The following VPS8 variants were observed in gnomAD, a reference collection of about 807,000 sequenced individuals.
The protein encoded by VPS8 is VPS8 subunit of CORVET complex.
Under a neutral mutation model 216.4 loss-of-function variants are expected in VPS8, and 129 were observed. That is an observed-to-expected ratio of 0.60 (90% CI 0.52 to 0.69). The LOEUF is 0.69. VPS8 is among the 30% of genes least tolerant of loss of function. VPS8 has a pLI of 0.00. For synonymous variants in VPS8, 571 were observed against 565.4 expected (o/e 1.01, Z -0.14); for missense variants, 1,531 against 1,683.5 (o/e 0.91, Z 1.59).
At chr3:184,849,260 A>G in intron 9 of VPS8, 65 bp downstream of exon 9, 1 of 1,565,378 alleles carries the variant, frequency 6.4e-7, no homozygotes, top group Non-Finnish European at 8.7e-7. Context: ...ACAAAAACTT[A>G]CATCTTAGAT....
intron 45 of VPS8, among the ~76,000 whole-genome samples, chr3:185,012,013 T>C (rs549461429): frequency 6.6e-6 from 1 of 152,020 alleles, no homozygotes; most frequent in African/African-American, 2.4e-5. Flanking sequence ...AAAAAACATA[T>C]CTAAAGTGAA....
chr3:184,961,954 G>T (rs1479189585), intron 37 of VPS8, among the ~76,000 whole-genome samples: 1 of 152,098 alleles, frequency 6.6e-6, no homozygotes, highest in Non-Finnish European at 1.5e-5. Flanking sequence ...TAGAGATGGG[G>T]TTTCACCATG....
At chr3:184,980,319 G>A (rs1270612575) in intron 40 of VPS8, among the ~76,000 whole-genome samples, 6 of 151,930 alleles carry the variant, frequency 3.9e-5, no homozygotes, top group Admixed American at 2.0e-4. Context: ...CATTTCCTGA[G>A]TTTAAATGTC....
intron 28 of VPS8, among the ~76,000 whole-genome samples, chr3:184,916,932 T>G (rs1314804243): frequency 6.6e-6 from 1 of 152,206 alleles, no homozygotes; most frequent in Non-Finnish European, 1.5e-5. Flanking sequence ...TTGACAAATA[T>G]TTGAGTGCAT....
intron 36 of VPS8, among the ~76,000 whole-genome samples, chr3:184,950,216 C>CA (rs572473474): frequency 5.0e-5 from 2 of 39,930 alleles, no homozygotes; most frequent in African/African-American, 2.1e-4. Flanking sequence ...CAGTTTTCTG[C>CA]TTTTTTTTTT....
intron 16 of VPS8, among the ~76,000 whole-genome samples, chr3:184,865,754 G>A (rs1303206676): frequency 6.6e-6 from 1 of 152,174 alleles, no homozygotes; most frequent in African/African-American, 2.4e-5. Flanking sequence ...TTGGGAGGCC[G>A]AGGCGGGAGG....
At chr3:184,847,580 G>C (rs189150310) in intron 8 of VPS8, among the ~76,000 whole-genome samples, 65 of 152,298 alleles carry the variant, frequency 4.3e-4, no homozygotes, top group Non-Finnish European at 9.1e-4. Context: ...CACAAACAGT[G>C]CTGGGGAAGT....
chr3:184,842,186 C>CAAAAAAAAAAAAAAAAAAAAAAAAAAAAA (rs71162267), intron 7 of VPS8, among the ~76,000 whole-genome samples: 3 of 48,980 alleles, frequency 6.1e-5, no homozygotes, highest in South Asian at 1.9e-3. Context: ...GACTCCGTCT[C>CAAAAAAAAAAAAAAAAAAAAAAAAAAAAA]AAAAAAAAAA....
At chr3:184,984,412 G>C (rs1750752564) in intron 42 of VPS8, among the ~76,000 whole-genome samples, 1 of 150,312 alleles carries the variant, frequency 6.7e-6, no homozygotes, top group Non-Finnish European at 1.5e-5. Flanking sequence ...TCTTGCCTCA[G>C]CCTCCCGAGT....
At chr3:184,839,776 C>G in intron 7 of VPS8, 24 bp downstream of exon 7, 1 of 1,575,308 alleles carries the variant, frequency 6.3e-7, no homozygotes, top group African/African-American at 1.3e-5. Context: ...TGCTTTCCTG[C>G]TTTTAAATAT....
At chr3:185,013,205 G>A (rs1156359190) in intron 45 of VPS8, among the ~76,000 whole-genome samples, 2 of 152,222 alleles carry the variant, frequency 1.3e-5, no homozygotes, top group Admixed American at 1.3e-4. Flanking sequence ...GCCATCATGA[G>A]CATGTCACAG....
At chr3:185,022,101 C>T (rs1180451561) in intron 45 of VPS8, among the ~76,000 whole-genome samples, 2 of 152,120 alleles carry the variant, frequency 1.3e-5, no homozygotes, top group Non-Finnish European at 2.9e-5. Flanking sequence ...TTATGCTGTT[C>T]TTGTGATAGT....
intron 30 of VPS8, among the ~76,000 whole-genome samples, chr3:184,926,067 G>A (rs947460948): frequency 6.7e-6 from 1 of 149,252 alleles, no homozygotes; most frequent in Non-Finnish European, 1.5e-5. Context: ...GAGCCACTGC[G>A]CCTAGCCTCT....
chr3:184,953,352 G>C (rs1471599190), intron 36 of VPS8, among the ~76,000 whole-genome samples: 1 of 152,162 alleles, frequency 6.6e-6, no homozygotes, highest in African/African-American at 2.4e-5. Context: ...GGCTTAAAAA[G>C]GTGGGATATC....
At chr3:184,956,838 A>C (rs994372187) in intron 36 of VPS8, among the ~76,000 whole-genome samples, 3 of 152,220 alleles carry the variant, frequency 2.0e-5, no homozygotes, top group African/African-American at 7.2e-5. Flanking sequence ...CAAAAAAATT[A>C]GTCCTCACTA....
intron 6 of VPS8, 96 bp from the exon 7 acceptor site, chr3:184,839,602 G>T: frequency 8.7e-7 from 1 of 1,143,174 alleles, no homozygotes. Context: ...TATGTCATCT[G>T]GTGCCTAGAG....
At chr3:185,050,458 G>A (rs1163881479) in intron 47 of VPS8, among the ~76,000 whole-genome samples, 1 of 150,486 alleles carries the variant, frequency 6.6e-6, no homozygotes, top group Non-Finnish European at 1.5e-5. Flanking sequence ...CACAGCCACT[G>A]GTACTGAGTT....
intron 42 of VPS8, among the ~76,000 whole-genome samples, chr3:184,990,921 C>A (rs1404001592): frequency 2.4e-5 from 1 of 42,524 alleles, no homozygotes; most frequent in African/African-American, 4.6e-5. Flanking sequence ...ACCCAAATTA[C>A]ACCGTTTTTT....
intron 29 of VPS8, among the ~76,000 whole-genome samples, 175 bp downstream of exon 29, chr3:184,920,373 A>T (rs1268395230): frequency 6.6e-6 from 1 of 152,190 alleles, no homozygotes; most frequent in Non-Finnish European, 1.5e-5. Flanking sequence ...TATTTATTTT[A>T]AAAAATTTTT....
Sources: allele counts gnomAD v4.1 joint callset (sites outside exome capture counted in the v4.1 genomes callset), GRCh38; gene constraint gnomAD v4.1.1; transcripts MANE v1.5; gene names NCBI Gene and HGNC (gene_info 2026-07-23, HGNC 2026-07-21).